The following CR1 variants were observed in gnomAD, a reference collection of about 807,000 sequenced individuals.
The protein encoded by CR1 is complement receptor type 1.
CR1 carries 116 observed loss-of-function variants against 187.3 expected under a neutral mutation model. The ratio of observed to expected loss-of-function variants is 0.62; its 90% CI spans 0.53 to 0.72. CR1 has a LOEUF of 0.72. Ranked by LOEUF, CR1 falls within the 30% of genes least tolerant of loss-of-function variation. CR1 has a pLI of 0.00. For synonymous variants in CR1, 576 were observed against 747.1 expected, an observed-to-expected ratio of 0.77 and a Z score of 3.73; for missense variants, 1,731 against 2,110.7, an observed-to-expected ratio of 0.82 and a Z score of 3.52.
At chr1:207,498,064 G>T (rs781727724) in intron 1 of CR1, among the ~76,000 whole-genome samples, 1 of 152,178 alleles carries the variant, frequency 6.6e-6, no homozygotes, top group Non-Finnish European at 1.5e-5. Flanking sequence ...CTTACCAGCT[G>T]GTGTCTTGGA....
At chr1:207,507,902 A>G (rs886565372) in intron 3 of CR1, among the ~76,000 whole-genome samples, 3 of 152,250 alleles carry the variant, frequency 2.0e-5, no homozygotes, top group African/African-American at 7.2e-5. Flanking sequence ...TTAGCAAGGG[A>G]ATGGATAAAC....
chr1:207,599,814 A>G (rs1219828466), intron 35 of CR1, among the ~76,000 whole-genome samples: 2 of 152,230 alleles, frequency 1.3e-5, no homozygotes, highest in African/African-American at 4.8e-5. Context: ...TGGGTTTGGA[A>G]AAATCAGGAC....
chr1:207,519,258 T>A (rs1350230444), intron 4 of CR1, among the ~76,000 whole-genome samples: 2 of 151,958 alleles, frequency 1.3e-5, no homozygotes, highest in Non-Finnish European at 2.9e-5. Context: ...TTTTATTCAG[T>A]CTTAGTTGTT....
chr1:207,611,799 T>C lies in CR1; in HGVS notation c.6418T>C (p.Ser2140Pro), dbSNP rs1661938638. Residue 2140 changes from serine (S) to proline (P), a missense_variant, in exon 38 of 47, where the codon TCT (serine) becomes CCT (proline). This residue lies in a region of CR1 where 1,312 missense variants were observed against 1,379.6 expected (regional missense o/e 0.95). Transcript: ENST00000367049. Reference sequence around the variant, plus strand: ...CAGCTATGACCTCAGAGGGGCTGCGTCTCTGCACTGCACGCCCCAGGGAGA... The same window carrying C: ...CAGCTATGACCTCAGAGGGGCTGCGCCTCTGCACTGCACGCCCCAGGGAGA... ...EPSYDLRGAA[S>P]LHCTPQGDWS... The C allele has an allele frequency of 3.1e-6, 5 of 1,613,996 alleles. No individual in the cohort carries two copies. The highest frequency in any genetic ancestry group is 3.4e-6 in the Non-Finnish European group (4 of 1,179,896).
At chr1:207,589,113 T>C (rs1661194925) in intron 35 of CR1, among the ~76,000 whole-genome samples, 1 of 152,218 alleles carries the variant, frequency 6.6e-6, no homozygotes, top group Non-Finnish European at 1.5e-5. Flanking sequence ...CCTCCTTAAC[T>C]GAGATCAGTA....
chr1:207,608,703 T>G (rs1330049022), intron 36 of CR1, among the ~76,000 whole-genome samples: 1 of 152,194 alleles, frequency 6.6e-6, no homozygotes, highest in Non-Finnish European at 1.5e-5. Flanking sequence ...ATAAAAAAAT[T>G]TCCACTTCTA....
chr1:207,616,045 T>C (rs1452161351), intron 40 of CR1, among the ~76,000 whole-genome samples: 1 of 152,196 alleles, frequency 6.6e-6, no homozygotes, highest in Non-Finnish European at 1.5e-5. Flanking sequence ...CCATTTAATC[T>C]GAGTAAAAAC....
chr1:207,601,613 A>G (rs564642534), intron 35 of CR1, among the ~76,000 whole-genome samples: 13 of 152,294 alleles, frequency 8.5e-5, no homozygotes, highest in African/African-American at 2.9e-4. Context: ...TTATTATTAT[A>G]CCACCCTAAA....
At chr1:207,634,554 T>C (rs1352037737) in intron 46 of CR1, among the ~76,000 whole-genome samples, 1 of 152,040 alleles carries the variant, frequency 6.6e-6, no homozygotes, top group Non-Finnish European at 1.5e-5. Context: ...CAGGTGATGC[T>C]GGGAAGTCCT....
chr1:207,639,662 G>A lies in CR1; in HGVS notation c.*253G>A. 2.4e-6 allele frequency: 1 copy of A among 414,068 alleles called. No homozygotes were observed. Among genetic ancestry groups the A allele is most frequent in the Non-Finnish European group, 4.3e-6 (1 of 230,838 alleles). The allele number at this position is 414,068 out of a possible 1,614,324, so 25.6% of individuals were successfully genotyped here. A position where few individuals can be genotyped will look rare whatever the true frequency, so the allele number is the denominator to read the frequency against. On this transcript the variant is annotated 3_prime_UTR_variant, in exon 47 of 47. Transcript: ENST00000367049. The stretch of plus-strand genomic sequence containing the variant: ...CACACAGTATCTAGTCAGGGGAAAA[G>A]ACTGCATTTAGGAGATAGAAAATAG...
chr1:207,597,523 T>G (rs1029083231), intron 35 of CR1, among the ~76,000 whole-genome samples: 2 of 152,170 alleles, frequency 1.3e-5, no homozygotes, highest in African/African-American at 4.8e-5. Flanking sequence ...ATTAGGGAAG[T>G]GCAAGTCAAC....
intron 27 of CR1, among the ~76,000 whole-genome samples, chr1:207,574,639 A>G (rs17046851): frequency 0.2 from 30,239 of 152,146 alleles, 3,293 homozygotes; most frequent in South Asian, 0.44. Flanking sequence ...CTCATAGAAC[A>G]TATCAATAAA....
chr1:207,575,485 G>A, intron 27 of CR1, 110 bp from the exon 28 acceptor site: 1 of 1,342,966 alleles, frequency 7.4e-7, no homozygotes, highest in Non-Finnish European at 1.1e-6. Flanking sequence ...GTTTAGGCTA[G>A]GCCTTAGACT....
chr1:207,522,251 G>A (rs541005869), intron 4 of CR1, among the ~76,000 whole-genome samples: 1 of 152,254 alleles, frequency 6.6e-6, no homozygotes, highest in East Asian at 1.9e-4. Flanking sequence ...CTCTAATTCA[G>A]TCTCAGGAAC....
chr1:207,593,777 A>G (rs1439579485), intron 35 of CR1, among the ~76,000 whole-genome samples: 1 of 152,158 alleles, frequency 6.6e-6, no homozygotes. Context: ...AAACAACCCT[A>G]TCGAAAAGAG....
At chr1:207,498,749 G>A (rs1304938323) in intron 1 of CR1, among the ~76,000 whole-genome samples, 1 of 151,404 alleles carries the variant, frequency 6.6e-6, no homozygotes, top group Non-Finnish European at 1.5e-5. Context: ...ATGATGGTGG[G>A]TGCCTGTAGT....
At chr1:207,633,160 T>C (rs1159932372) in intron 46 of CR1, among the ~76,000 whole-genome samples, 2 of 152,346 alleles carry the variant, frequency 1.3e-5, no homozygotes, top group South Asian at 2.1e-4. Context: ...GCTCCAGCTC[T>C]GAATTCAATC....
chr1:207,595,129 C>A (rs1175903576), intron 35 of CR1, among the ~76,000 whole-genome samples: 1 of 149,206 alleles, frequency 6.7e-6, no homozygotes, highest in Non-Finnish European at 1.5e-5. Context: ...TGGAGCCTGC[C>A]CCCAACCCCC....
Position 207,611,844 on chromosome 1 carries a change from A to G in CR1, c.6463A>G (p.Arg2155Gly). 6.2e-7 allele frequency: 1 copy of G among 1,614,002 alleles called. No homozygotes were observed. Among genetic ancestry groups the G allele is most frequent in the Non-Finnish European group, 8.5e-7 (1 of 1,179,880 alleles). ...GGGAGACTGGAGCCCTGAAGCCCCT[A>G]GATGTACAGGTGCCTTGACTCTCTG... is the stretch of plus-strand genomic sequence containing the variant. ...PQGDWSPEAP[R>G]CTVKSCDDFL... The change falls in exon 38 of 47, where the codon AGA (arginine) becomes GGA (glycine). Residue 2155 changes from arginine (R) to glycine (G), a missense_variant. By Grantham distance (125) the Arg-to-Gly change is moderately radical (BLOSUM62 -2). Transcript: ENST00000367049.
Sources: allele counts gnomAD v4.1 joint callset (sites outside exome capture counted in the v4.1 genomes callset), GRCh38; gene constraint gnomAD v4.1.1; regional missense constraint gnomAD v4.1.1; transcripts MANE v1.5; gene names NCBI Gene and HGNC (gene_info 2026-07-23, HGNC 2026-07-21).